The following ELMO1 variants were observed in gnomAD, a reference collection of about 807,000 sequenced individuals.
ELMO1 encodes engulfment and cell motility protein 1.
Under a neutral mutation model 98.9 loss-of-function variants are expected in ELMO1, and 26 were observed. The ratio of observed to expected loss-of-function variants is 0.26; its 90% CI spans 0.19 to 0.36. The LOEUF (loss-of-function observed/expected upper bound fraction) is 0.36. ELMO1 is among the 10% of genes least tolerant of loss of function. ELMO1 has a pLI of 1.00. For synonymous variants in ELMO1, 346 were observed against 346.0 expected, an observed-to-expected ratio of 1.00 and a Z score of 0.00; for missense variants, 627 against 935.2, an observed-to-expected ratio of 0.67 and a Z score of 4.30.
At chr7:37,160,443 G>A (rs192510223) in intron 13 of ELMO1, among the ~76,000 whole-genome samples, 36 of 152,274 alleles carry the variant, frequency 2.4e-4, no homozygotes, top group African/African-American at 8.2e-4. Context: ...CCCCTGTGTA[G>A]AAAATAGCAT....
intron 2 of ELMO1, among the ~76,000 whole-genome samples, chr7:37,330,139 A>G (rs1339807464): frequency 6.6e-6 from 1 of 152,220 alleles, no homozygotes; most frequent in Non-Finnish European, 1.5e-5. Context: ...TCACTGTCAG[A>G]TTTCCCTTTA....
At chr7:37,417,925 A>G (rs1266751160) in intron 1 of ELMO1, among the ~76,000 whole-genome samples, 1 of 152,186 alleles carries the variant, frequency 6.6e-6, no homozygotes, top group Non-Finnish European at 1.5e-5. Flanking sequence ...TTGGAGTGAT[A>G]CTGCACAAGC....
intron 4 of ELMO1, among the ~76,000 whole-genome samples, chr7:37,294,024 G>A (rs1797899823): frequency 1.3e-5 from 2 of 152,086 alleles, no homozygotes; most frequent in Non-Finnish European, 2.9e-5. Flanking sequence ...TTACACTCTT[G>A]AATTTGTTAT....
At chr7:37,273,106 C>T (rs77269762) in intron 4 of ELMO1, among the ~76,000 whole-genome samples, 2 of 152,172 alleles carry the variant, frequency 1.3e-5, no homozygotes, top group African/African-American at 4.8e-5. Flanking sequence ...TTGCATGTTG[C>T]CTTGAAGTTA....
At chr7:37,134,573 AAAG>A (rs1469433560) in intron 13 of ELMO1, among the ~76,000 whole-genome samples, 2 of 151,710 alleles carry the variant, frequency 1.3e-5, no homozygotes, top group Admixed American at 1.3e-4. Flanking sequence ...AAAAAAAAAA[AAAG>A]AAGAAATCAT....
intron 15 of ELMO1, among the ~76,000 whole-genome samples, chr7:37,077,757 G>A (rs115208314): frequency 0.011 from 1,615 of 152,228 alleles, 10 homozygotes; most frequent in Middle Eastern, 0.014. Flanking sequence ...CAGGGGTCAG[G>A]AGGAGCCACA....
rs755558774 is a variant in ELMO1, at chr7:36,926,496, AC to A, written c.1438-31480del. 2.6e-5 allele frequency among the ~76,000 whole-genome samples: 4 copies of A among 151,546 alleles called. No individual in the cohort carries two copies. The South Asian group carries it at 6.3e-4, about 24-fold the overall frequency. On this transcript the variant is annotated intron_variant, in intron 16 of 21. Coordinates refer to ENST00000310758, the MANE Select transcript of ELMO1 (RefSeq NM_014800.11). The stretch of plus-strand genomic sequence containing the variant: ...CCCCTAGAGTCCCATGGGAGAAGTG[AC>A]CCCCCCAACTGAGGTTGGAGTCTCA...
chr7:37,371,078 A>T (rs1169345235), intron 1 of ELMO1, among the ~76,000 whole-genome samples: 1 of 152,236 alleles, frequency 6.6e-6, no homozygotes, highest in African/African-American at 2.4e-5. Flanking sequence ...TCTGAAGAAT[A>T]AAAATGAACT....
intron 13 of ELMO1, among the ~76,000 whole-genome samples, chr7:37,194,857 T>C (rs950543422): frequency 6.6e-6 from 1 of 152,250 alleles, no homozygotes; most frequent in African/African-American, 2.4e-5. Flanking sequence ...TCTCATAGCA[T>C]ATATCAACTT....
intron 15 of ELMO1, among the ~76,000 whole-genome samples, chr7:37,040,697 T>C (rs1270918071): frequency 6.6e-6 from 1 of 152,210 alleles, no homozygotes; most frequent in Non-Finnish European, 1.5e-5. Context: ...GGGCATTATG[T>C]AGCTGCCTCA....
intron 16 of ELMO1, among the ~76,000 whole-genome samples, chr7:36,934,175 G>A (rs946344963): frequency 1.3e-5 from 2 of 152,236 alleles, no homozygotes; most frequent in Non-Finnish European, 2.9e-5. Context: ...AGCAAGAAAC[G>A]GACTGTGGCG....
intron 15 of ELMO1, among the ~76,000 whole-genome samples, chr7:37,035,890 T>C (rs1035622166): frequency 3.9e-5 from 6 of 152,262 alleles, no homozygotes; most frequent in Admixed American, 2.6e-4. Context: ...GAGATGGCTA[T>C]GAAACCATTA....
chr7:37,118,480 C>T (rs1785752320), intron 14 of ELMO1, among the ~76,000 whole-genome samples: 1 of 152,176 alleles, frequency 6.6e-6, no homozygotes, highest in South Asian at 2.1e-4. Context: ...GGAATAAACA[C>T]CCAACCAAAG....
chr7:37,406,627 G>A (rs964398478), intron 1 of ELMO1, among the ~76,000 whole-genome samples: 10 of 151,690 alleles, frequency 6.6e-5, no homozygotes, highest in Non-Finnish European at 1.2e-4. Context: ...TAGTAGAGAC[G>A]GGGGAGGGGT....
intron 2 of ELMO1, among the ~76,000 whole-genome samples, chr7:37,338,356 T>C (rs1262608847): frequency 2.0e-5 from 3 of 152,166 alleles, no homozygotes; most frequent in Non-Finnish European, 4.4e-5. Context: ...TATAAAAACA[T>C]GCTTGACAGA....
chr7:37,224,761 T>G (rs1793774974), intron 9 of ELMO1, 118 bp downstream of exon 9: 21 of 1,422,618 alleles, frequency 1.5e-5, no homozygotes, highest in Non-Finnish European at 1.9e-5. Context: ...TATGCCAAAT[T>G]GAGATTCTTT....
intron 2 of ELMO1, among the ~76,000 whole-genome samples, chr7:37,322,711 G>A (rs1583547015): frequency 6.6e-6 from 1 of 152,110 alleles, no homozygotes; most frequent in South Asian, 2.1e-4. Context: ...GCTGAGGTGG[G>A]AGGACTGCTT....
chr7:36,965,458 G>A (rs1336774847), intron 16 of ELMO1, among the ~76,000 whole-genome samples: 1 of 152,224 alleles, frequency 6.6e-6, no homozygotes, highest in Non-Finnish European at 1.5e-5. Flanking sequence ...TGGGAGAAGA[G>A]AGGGAGGCAC....
At chr7:37,368,488 G>GT (rs781041833) in intron 1 of ELMO1, among the ~76,000 whole-genome samples, 15 of 152,094 alleles carry the variant, frequency 9.9e-5, no homozygotes, top group Non-Finnish European at 1.8e-4. Context: ...CAGAACCAAG[G>GT]TTTCTCTCTG....
Sources: gnomAD v4.1 joint callset for allele counts (sites outside exome capture counted in the v4.1 genomes callset) on GRCh38, gnomAD v4.1.1 for gene constraint, MANE v1.5 for transcripts, NCBI Gene and HGNC (gene_info 2026-07-23, HGNC 2026-07-21) for gene names.